RIPK1: variants seen among roughly 807,000 people sequenced by gnomAD.
The protein encoded by RIPK1 is receptor-interacting serine/threonine-protein kinase 1.
A neutral mutation model predicts 62.4 loss-of-function variants in RIPK1; 27 were observed. The ratio of observed to expected loss-of-function variants is 0.43; its 90% CI spans 0.32 to 0.60. The LOEUF (loss-of-function observed/expected upper bound fraction) is 0.60. Among genes scored for constraint, RIPK1 ranks in the 20% least tolerant of loss-of-function variants. The pLI is 0.07. For synonymous variants in RIPK1, 287 were observed against 303.2 expected, an observed-to-expected ratio of 0.95 and a Z score of 0.55; for missense variants, 735 against 831.0, an observed-to-expected ratio of 0.88 and a Z score of 1.42.
chr6:3,094,597 A>ATT, intron 7 of RIPK1, among the ~76,000 whole-genome samples: 1 of 149,998 alleles, frequency 6.7e-6, no homozygotes, highest in African/African-American at 2.4e-5. Flanking sequence ...ATATATATAT[A>ATT]TATGAAGAAA....
chr6:3,106,022 C>T lies in RIPK1; in HGVS notation c.1547C>T (p.Thr516Ile), dbSNP rs1240535079. The change falls in exon 9 of 11, where the codon ACC (threonine) becomes ATC (isoleucine). Residue 516 changes from threonine to isoleucine, a missense_variant. By Grantham distance (89) the Thr-to-Ile change is moderately conservative. Coordinates refer to ENST00000259808, the MANE Select transcript of RIPK1 (RefSeq NM_001354930.2). ...PETNYLGNTP[T>I]MPFSSLPPTD... ...ACCAACTATCTAGGAAATACACCCA[C>T]CATGCCATTCAGCTCCTTGCCACCA... The T allele has an allele frequency of 1.9e-6, 3 of 1,609,846 alleles. No homozygotes were observed. In the African/African-American group the frequency reaches 4.0e-5, roughly 22 times the overall value.
intron 4 of RIPK1, among the ~76,000 whole-genome samples, chr6:3,081,859 TTAAAAAAAA>T: frequency 1.7e-5 from 1 of 58,076 alleles, no homozygotes; most frequent in Non-Finnish European, 2.9e-5. Context: ...AAACTCTGCC[TTAAAAAAAA>T]AAAAAAAAAA....
At chr6:3,064,337 C>T (rs966960186), upstream of RIPK1, among the ~76,000 whole-genome samples, 5 of 152,226 alleles carry the variant, frequency 3.3e-5, no homozygotes, top group South Asian at 8.3e-4. Flanking sequence ...CCCCTGCAGC[C>T]TCCTCCCCAC....
intron 6 of RIPK1, among the ~76,000 whole-genome samples, chr6:3,087,721 A>G (rs183065211): frequency 2.0e-4 from 30 of 151,986 alleles, no homozygotes; most frequent in East Asian, 7.7e-4. Flanking sequence ...TTGTATTTTT[A>G]GTAGAGACGG....
Position 3,113,026 on chromosome 6 carries a change from T to TA in RIPK1, c.1730-26dup. ...AATGTTTGAATGGGTTTTAGCTTGA[T>TA]ACCTTCTTCTTTTTCCCATTTGGCA... On this transcript the variant is annotated intron_variant, in intron 10 of 10. Coordinates refer to ENST00000259808, the MANE Select transcript of RIPK1 (RefSeq NM_001354930.2). This position sits in a 1 kb window ranked among gnomAD's most constrained non-coding sequence, Gnocchi z 5.0. 3 of 1,513,692 alleles carry TA rather than the reference T, an allele frequency of 2.0e-6. No individual in the cohort carries two copies. The highest frequency in any genetic ancestry group is 2.7e-6 in the Non-Finnish European group (3 of 1,130,832). 93.8% of individuals were successfully genotyped at this position (1,513,692 alleles called of 1,614,324 possible).
At chr6:3,075,323 G>C (rs562519055) in intron 1 of RIPK1, among the ~76,000 whole-genome samples, 136 of 152,262 alleles carry the variant, frequency 8.9e-4, no homozygotes, top group Admixed American at 3.5e-3. Flanking sequence ...TGGGGAAAAT[G>C]AATGAATGGA....
At chr6:3,069,037 A>G (rs952403316) in intron 1 of RIPK1, 9 of 152,158 alleles carry the variant, frequency 5.9e-5, no homozygotes, top group Non-Finnish European at 1.3e-4. Flanking sequence ...GCTTATCCGG[A>G]GTCCGCTGGC....
intron 7 of RIPK1, among the ~76,000 whole-genome samples, chr6:3,097,212 G>A (rs981096014): frequency 2.0e-5 from 3 of 152,134 alleles, no homozygotes; most frequent in African/African-American, 7.2e-5. Context: ...TGGCAAGTGG[G>A]TGTGAGGAGT....
At chr6:3,077,042 G>A (rs912067426) in intron 2 of RIPK1, 55 bp downstream of exon 2, 51 of 1,511,266 alleles carry the variant, frequency 3.4e-5, no homozygotes, top group Middle Eastern at 4.8e-4. Context: ...GGGGACGTTG[G>A]CTGTTGTGGA....
intron 5 of RIPK1, 50 bp downstream of exon 5, chr6:3,083,363 C>A: frequency 6.7e-7 from 1 of 1,487,116 alleles, no homozygotes; most frequent in South Asian, 1.2e-5. Flanking sequence ...TCTACACGCA[C>A]TGTGCCTGGA....
chr6:3,083,695 G>C (rs1168276790), intron 5 of RIPK1, among the ~76,000 whole-genome samples: 1 of 152,134 alleles, frequency 6.6e-6, no homozygotes, highest in African/African-American at 2.4e-5. Flanking sequence ...GTGTAGGATA[G>C]AGACACTCTG....
At chr6:3,083,977 C>G (rs1759557877) in intron 5 of RIPK1, among the ~76,000 whole-genome samples, 1 of 152,184 alleles carries the variant, frequency 6.6e-6, no homozygotes, top group African/African-American at 2.4e-5. Flanking sequence ...GTGGCATCGC[C>G]ATCCTTTTAC....
chr6:3,083,152 T>G lies in RIPK1; in HGVS notation c.527T>G (p.Leu176Arg), dbSNP rs1043614236. 1 of 1,613,928 alleles carries G rather than the reference T, an allele frequency of 6.2e-7. No homozygotes were observed. The highest frequency in any genetic ancestry group is 1.3e-5 in the African/African-American group (1 of 74,904). ...SKLNNEEHNE[L>R]REVDGTAKKN... ...CTGAATAATGAAGAGCACAATGAGC[T>G]GAGGGAAGTGGACGGCACCGCTAAG... Residue 176 changes from leucine to arginine, a missense_variant, in exon 5 of 11, where the codon CTG (leucine) becomes CGG (arginine). Transcript: ENST00000259808.
chr6:3,082,163 C>A (rs1321421600), intron 4 of RIPK1, among the ~76,000 whole-genome samples: 1 of 152,086 alleles, frequency 6.6e-6, no homozygotes, highest in Non-Finnish European at 1.5e-5. Flanking sequence ...GGGAAGCAGC[C>A]CTGGGGGAGG....
Position 3,077,810 on chromosome 6 carries a change from A to G in RIPK1, c.196A>G (p.Met66Val). The G allele has an allele frequency of 1.9e-6, 3 of 1,614,214 alleles. No individual in the cohort carries two copies. The South Asian group carries it at 3.3e-5, about 18-fold the overall frequency. ...CGAGGCCCTCTTGGAGGAGGCGAAG[A>G]TGATGAACAGACTGAGACACAGCCG... ...HNEALLEEAK[M>V]MNRLRHSRVV... Residue 66 changes from methionine to valine, a missense_variant, in exon 3 of 11, where the codon ATG becomes GTG. Met to Val is a conservative substitution (Grantham distance 21). Around this residue, in one of 2 missense-constraint regions of RIPK1, gnomAD observed 671 missense variants for 726.2 expected, o/e 0.92. Coordinates refer to ENST00000259808, the MANE Select transcript of RIPK1 (RefSeq NM_001354930.2).
chr6:3,090,481 T>C (rs1024931599), intron 7 of RIPK1, among the ~76,000 whole-genome samples: 1 of 152,158 alleles, frequency 6.6e-6, no homozygotes, highest in Non-Finnish European at 1.5e-5. Context: ...ATCAGGAATA[T>C]TTCATAATGA....
chr6:3,101,404 A>G (rs1449349288), intron 7 of RIPK1, among the ~76,000 whole-genome samples: 4 of 152,244 alleles, frequency 2.6e-5, no homozygotes, highest in African/African-American at 9.6e-5. Context: ...TCAGTGAGCT[A>G]TGACCATGCC....
At chr6:3,085,968 G>A (rs1054431723) in intron 6 of RIPK1, among the ~76,000 whole-genome samples, 2 of 152,250 alleles carry the variant, frequency 1.3e-5, no homozygotes, top group African/African-American at 4.8e-5. Context: ...TGAATGGAGT[G>A]CATTTTGTTT....
At chr6:3,110,115 C>T in intron 9 of RIPK1, among the ~76,000 whole-genome samples, 1 of 152,158 alleles carries the variant, frequency 6.6e-6, no homozygotes, top group South Asian at 2.1e-4. Flanking sequence ...TTCTTCAACA[C>T]CCTGTTTTAG....
Sources: allele counts gnomAD v4.1 joint callset (sites outside exome capture counted in the v4.1 genomes callset), GRCh38; gene constraint gnomAD v4.1.1; regional missense constraint gnomAD v4.1.1; non-coding constraint Gnocchi (gnomAD v3.1); transcripts MANE v1.5; gene names NCBI Gene and HGNC (gene_info 2026-07-23, HGNC 2026-07-21).